The following OXR1 variants were observed in gnomAD, a reference collection of about 807,000 sequenced individuals.
OXR1 encodes oxidation resistance 1.
Under a neutral mutation model 104.6 loss-of-function variants are expected in OXR1, and 41 were observed. The ratio of observed to expected loss-of-function variants is 0.39; its 90% CI spans 0.31 to 0.51. The LOEUF (loss-of-function observed/expected upper bound fraction) is 0.51, where lower values mean the gene tolerates loss of function less well. OXR1 is among the 20% of genes least tolerant of loss of function. The probability of loss-of-function intolerance (pLI) is 0.77; values close to 1 mark genes in which losing one functional copy is unlikely to be tolerated. For synonymous variants in OXR1, 348 were observed against 348.4 expected (o/e 1.00, Z 0.01); for missense variants, 955 against 1,031.9 (o/e 0.93, Z 1.02).
chr8:106,609,185 G>T (rs1820626073), intron 3 of OXR1, among the ~76,000 whole-genome samples: 1 of 152,068 alleles, frequency 6.6e-6, no homozygotes, highest in Non-Finnish European at 1.5e-5. Context: ...GAGGGGAGAG[G>T]ATCGCTTGAG....
chr8:106,387,621 G>T (rs957637095), intron 2 of OXR1, among the ~76,000 whole-genome samples: 1 of 152,170 alleles, frequency 6.6e-6, no homozygotes, highest in Admixed American at 6.6e-5. Context: ...CAGAGCTCAA[G>T]ATTACTTTTT....
At chr8:106,618,963 G>A (rs1173986859) in intron 3 of OXR1, among the ~76,000 whole-genome samples, 1 of 151,926 alleles carries the variant, frequency 6.6e-6, no homozygotes, top group Non-Finnish European at 1.5e-5. Flanking sequence ...CTTTTAAATG[G>A]AAGGAATAAA....
intron 1 of OXR1, among the ~76,000 whole-genome samples, chr8:106,346,311 T>C (rs1331276025): frequency 6.6e-6 from 1 of 152,154 alleles, no homozygotes; most frequent in African/African-American, 2.4e-5. Context: ...CTAAAACCTC[T>C]CTACTTGTGT....
chr8:106,463,332 T>C (rs891948849), intron 2 of OXR1, among the ~76,000 whole-genome samples: 1 of 152,114 alleles, frequency 6.6e-6, no homozygotes, highest in African/African-American at 2.4e-5. Context: ...CATAAACATT[T>C]AGTTTTTCTC....
intron 3 of OXR1, among the ~76,000 whole-genome samples, chr8:106,670,396 GA>G (rs1826816136): frequency 6.6e-6 from 1 of 152,050 alleles, no homozygotes; most frequent in South Asian, 2.1e-4. Flanking sequence ...TTTGTCAGAC[GA>G]TTTTGCAAAT....
At chr8:106,532,860 T>G (rs1284336351) in intron 3 of OXR1, among the ~76,000 whole-genome samples, 1 of 152,238 alleles carries the variant, frequency 6.6e-6, no homozygotes, top group Non-Finnish European at 1.5e-5. Flanking sequence ...CTATATGCCT[T>G]TTGAATTAAT....
chr8:106,285,701 C>T (rs1398864848), intron 1 of OXR1, among the ~76,000 whole-genome samples: 1 of 151,992 alleles, frequency 6.6e-6, no homozygotes, highest in Non-Finnish European at 1.5e-5. Flanking sequence ...TCAAAGACCC[C>T]TTAAACAAGG....
chr8:106,546,146 T>C (rs1298674672), intron 3 of OXR1, among the ~76,000 whole-genome samples: 1 of 152,242 alleles, frequency 6.6e-6, no homozygotes, highest in Non-Finnish European at 1.5e-5. Flanking sequence ...GTCTGTCTTG[T>C]CTTTTTCACC....
intron 16 of OXR1, among the ~76,000 whole-genome samples, chr8:106,748,901 A>G (rs1835636202): frequency 6.6e-6 from 1 of 152,088 alleles, no homozygotes. Context: ...CTACATGGTC[A>G]CTGTAGCCAC....
chr8:106,707,290 A>T, intron 9 of OXR1, 145 bp downstream of exon 9: 1 of 725,356 alleles, frequency 1.4e-6, no homozygotes, highest in Non-Finnish European at 2.5e-6. Context: ...GGGGACAAGT[A>T]TATACAGTCT....
Position 106,279,361 on chromosome 8 carries a change from T to C in OXR1, c.-139+8994T>C, listed in dbSNP as rs149177598. Among the ~76,000 whole-genome samples the C allele has an allele frequency of 2.6e-3, 391 of 152,302 alleles. 2 individuals carry two copies. Among genetic ancestry groups the C allele is most frequent in the African/African-American group, 8.1e-3 (338 of 41,582 alleles). On this transcript the variant is annotated intron_variant, in intron 1 of 16. Coordinates refer to ENST00000517566, the MANE Select transcript of OXR1 (RefSeq NM_001198533.2). ...TCATTTTAACATAGCCTTTAAGGCA[T>C]AGCTGTTGATTATATACTGTATTAA... is the stretch of plus-strand genomic sequence containing the variant.
At chr8:106,608,464 A>G (rs1004853450) in intron 3 of OXR1, among the ~76,000 whole-genome samples, 1 of 152,154 alleles carries the variant, frequency 6.6e-6, no homozygotes, top group African/African-American at 2.4e-5. Flanking sequence ...AAAGACTGCT[A>G]TGTGTACTAT....
chr8:106,417,189 T>G (rs928776807), intron 2 of OXR1, among the ~76,000 whole-genome samples: 1 of 152,124 alleles, frequency 6.6e-6, no homozygotes, highest in African/African-American at 2.4e-5. Context: ...ACTATAATAG[T>G]ACCTATGTCA....
intron 2 of OXR1, among the ~76,000 whole-genome samples, chr8:106,439,724 A>G (rs1819711276): frequency 6.6e-6 from 1 of 152,094 alleles, no homozygotes. Flanking sequence ...GATCGAGCAG[A>G]GCATTTGTTT....
chr8:106,282,764 G>T (rs1335393108), intron 1 of OXR1, among the ~76,000 whole-genome samples: 1 of 152,124 alleles, frequency 6.6e-6, no homozygotes, highest in Admixed American at 6.5e-5. Context: ...GCTTTCTTGG[G>T]GTGGCAGAGA....
chr8:106,581,563 G>A (rs908009784), intron 3 of OXR1, among the ~76,000 whole-genome samples: 1 of 151,264 alleles, frequency 6.6e-6, no homozygotes, highest in Non-Finnish European at 1.5e-5. Flanking sequence ...TGATTTTTCT[G>A]GTTTCCAATT....
intron 3 of OXR1, among the ~76,000 whole-genome samples, chr8:106,654,236 T>C (rs1824863235): frequency 6.6e-6 from 1 of 151,992 alleles, no homozygotes; most frequent in South Asian, 2.1e-4. Context: ...GGATTCAAAA[T>C]AGCCAAAACA....
At chr8:106,418,110 T>C (rs1312357447) in intron 2 of OXR1, among the ~76,000 whole-genome samples, 1 of 152,098 alleles carries the variant, frequency 6.6e-6, no homozygotes, top group East Asian at 1.9e-4. Flanking sequence ...CACTCAAAAA[T>C]GTATAGAATT....
chr8:106,542,732 A>G (rs149165326), intron 3 of OXR1, among the ~76,000 whole-genome samples: 48 of 152,262 alleles, frequency 3.2e-4, no homozygotes, highest in African/African-American at 1.1e-3. Context: ...ACGAAGTAGT[A>G]TCGCTGCAAG....
Sources: allele counts gnomAD v4.1 joint callset (sites outside exome capture counted in the v4.1 genomes callset), GRCh38; gene constraint gnomAD v4.1.1; transcripts MANE v1.5; gene names NCBI Gene and HGNC (gene_info 2026-07-23, HGNC 2026-07-21).